The following TMEM132C variants were observed in gnomAD, a reference collection of about 807,000 sequenced individuals.
The protein encoded by TMEM132C is protein phosphatase 1, regulatory subunit 152.
Under a neutral mutation model 61.4 loss-of-function variants are expected in TMEM132C, and 29 were observed. That is an observed-to-expected ratio of 0.47 (90% CI 0.35 to 0.64). The LOEUF (loss-of-function observed/expected upper bound fraction) is 0.64. TMEM132C is among the 30% of genes least tolerant of loss of function. The pLI is 0.00. For synonymous variants in TMEM132C, 656 were observed against 633.1 expected (o/e 1.04, Z -0.54); for missense variants, 1,408 against 1,476.9 (o/e 0.95, Z 0.76).
intron 2 of TMEM132C, among the ~76,000 whole-genome samples, chr12:128,462,471 G>A (rs1870567925): frequency 6.6e-6 from 1 of 152,112 alleles, no homozygotes; most frequent in Non-Finnish European, 1.5e-5. Context: ...GGTTTCCCTT[G>A]CGTTCTTGTG....
chr12:128,321,484 G>C (rs998435496), intron 1 of TMEM132C, among the ~76,000 whole-genome samples: 2 of 152,184 alleles, frequency 1.3e-5, no homozygotes, highest in Non-Finnish European at 2.9e-5. Flanking sequence ...GAGATGGAGA[G>C]GGTGGTGGAG....
At chr12:128,396,540 C>T (rs1874965327) in intron 1 of TMEM132C, among the ~76,000 whole-genome samples, 1 of 152,152 alleles carries the variant, frequency 6.6e-6, no homozygotes, top group Non-Finnish European at 1.5e-5. Flanking sequence ...CCTGCACATT[C>T]TGCACATGTA....
At chr12:128,642,808 A>G (rs1954167643) in intron 4 of TMEM132C, among the ~76,000 whole-genome samples, 1 of 152,362 alleles carries the variant, frequency 6.6e-6, no homozygotes, top group Admixed American at 6.5e-5. Flanking sequence ...GAGGCACAGA[A>G]CGGTTAAGTA....
At chr12:128,616,401 A>G (rs924430811) in intron 4 of TMEM132C, 66 bp downstream of exon 4, 8 of 1,439,554 alleles carry the variant, frequency 5.6e-6, no homozygotes, top group Middle Eastern at 1.8e-4. Flanking sequence ...TGTCCTTCCT[A>G]TCTGTCATGG....
chr12:128,635,708 T>G (rs1012735405), intron 4 of TMEM132C, among the ~76,000 whole-genome samples: 1 of 152,168 alleles, frequency 6.6e-6, no homozygotes, highest in Non-Finnish European at 1.5e-5. Context: ...CAGCAGAACA[T>G]TGTAAGAGCC....
At position 128,693,969 on chromosome 12, in the gene TMEM132C, C is replaced by T. The variant is rs1005863002; in HGVS notation, c.1590C>T (p.Ile530=). Residue 530 remains isoleucine, a synonymous_variant, in exon 6 of 9, where the codon ATC becomes ATT. Coordinates refer to ENST00000435159, the MANE Select transcript of TMEM132C (RefSeq NM_001136103.3). ...GGGTGCCCCGGCTGCCCCTGCAGAT[C>T]GAGGTCTCTGACACGGAGCTCAGCC... ...TVWVPRLPLQ[I]EVSDTELSQI... is the part of the protein sequence containing the mutation. 3.2e-5 allele frequency: 49 copies of T among 1,551,634 alleles called. No individual in the cohort carries two copies. The highest frequency in any genetic ancestry group is 8.2e-5 in the African/African-American group (6 of 73,036).
chr12:128,323,403 G>A (rs1457851845), intron 1 of TMEM132C, among the ~76,000 whole-genome samples: 1 of 152,242 alleles, frequency 6.6e-6, no homozygotes, highest in African/African-American at 2.4e-5. Context: ...GACGAAGCAG[G>A]AATTTTAGCC....
At chr12:128,662,280 A>T (rs891711680) in intron 4 of TMEM132C, among the ~76,000 whole-genome samples, 1 of 152,188 alleles carries the variant, frequency 6.6e-6, no homozygotes. Context: ...ATTGCCTTAT[A>T]CGAGACACTT....
chr12:128,442,041 T>TA (rs1869814328), intron 2 of TMEM132C, among the ~76,000 whole-genome samples: 1 of 152,018 alleles, frequency 6.6e-6, no homozygotes, highest in African/African-American at 2.4e-5. Context: ...TAAACAATGA[T>TA]ACTATGCAGG....
rs76056961 is a variant in TMEM132C at position 128,325,322 on chromosome 12, A to G, written c.85+57835A>G. ...ACATTAGTGACTGTATCTAGTTAAA[A>G]AATTGGGCCATGACAGAAAGGTAAA... On this transcript the variant is annotated intron_variant, in intron 1 of 8. Coordinates refer to ENST00000435159, the MANE Select transcript of TMEM132C (RefSeq NM_001136103.3). Among the ~76,000 whole-genome samples the G allele has an allele frequency of 7.7e-3, 1,179 of 152,310 alleles. 23 individuals are homozygous for G. Among genetic ancestry groups the G allele is most frequent in the African/African-American group, 0.027 (1,117 of 41,572 alleles).
intron 2 of TMEM132C, among the ~76,000 whole-genome samples, chr12:128,539,107 G>C (rs139577164): frequency 6.6e-6 from 1 of 152,066 alleles, no homozygotes; most frequent in African/African-American, 2.4e-5. Flanking sequence ...TTCGTTTCCC[G>C]GGGAAGTCTT....
intron 1 of TMEM132C, among the ~76,000 whole-genome samples, chr12:128,412,855 T>A (rs1436017178): frequency 6.6e-6 from 1 of 152,220 alleles, no homozygotes; most frequent in Admixed American, 6.5e-5. Context: ...TAGCAGTATA[T>A]TTTTGAAAGC....
At chr12:128,349,363 G>A (rs1873268673) in intron 1 of TMEM132C, among the ~76,000 whole-genome samples, 1 of 152,204 alleles carries the variant, frequency 6.6e-6, no homozygotes, top group Admixed American at 6.5e-5. Context: ...GCAGGGCAGA[G>A]CTGCCTGCCA....
chr12:128,508,732 C>A (rs1333110737), intron 2 of TMEM132C, among the ~76,000 whole-genome samples: 1 of 152,220 alleles, frequency 6.6e-6, no homozygotes, highest in Non-Finnish European at 1.5e-5. Context: ...AGCTGCCCTT[C>A]ATTTTCCTGT....
chr12:128,616,314 G>T lies in TMEM132C; in HGVS notation c.1284G>T (p.Val428=). The change falls in exon 4 of 9, where the codon GTG becomes GTT. Residue 428 remains valine, a synonymous_variant. Transcript: ENST00000435159. Reference sequence around the variant, plus strand: ...TCTTTGTCAGCCAGAAGGACCTGGTGGGCATCGTTCCCTTGGCTATGGTGA... The same window carrying T: ...TCTTTGTCAGCCAGAAGGACCTGGTTGGCATCGTTCCCTTGGCTATGGTGA... ...SEIFVSQKDL[V]GIVPLAMDTE... 6.4e-7 allele frequency: 1 copy of T among 1,551,884 alleles called. No homozygotes were observed. The highest frequency in any genetic ancestry group is 1.2e-5 in the South Asian group (1 of 84,028).
intron 1 of TMEM132C, among the ~76,000 whole-genome samples, chr12:128,387,143 A>G (rs936781739): frequency 1.3e-5 from 2 of 150,184 alleles, no homozygotes; most frequent in African/African-American, 4.9e-5. Flanking sequence ...TCTGCCTCAA[A>G]AAAAAAAAAA....
At chr12:128,471,471 G>C (rs1186249829) in intron 2 of TMEM132C, among the ~76,000 whole-genome samples, 1 of 152,182 alleles carries the variant, frequency 6.6e-6, no homozygotes, top group Non-Finnish European at 1.5e-5. Flanking sequence ...ATGGAAGGAG[G>C]TTGTCAAGCT....
intron 1 of TMEM132C, among the ~76,000 whole-genome samples, chr12:128,279,755 C>T (rs1175879489): frequency 1.3e-5 from 2 of 152,238 alleles, no homozygotes; most frequent in Non-Finnish European, 2.9e-5. Context: ...TGTTGTTCTC[C>T]ATTCCTGCCC....
At chr12:128,392,210 A>T (rs1874791307) in intron 1 of TMEM132C, among the ~76,000 whole-genome samples, 1 of 151,824 alleles carries the variant, frequency 6.6e-6, no homozygotes, top group Admixed American at 6.6e-5. Context: ...TCCTGGGGGG[A>T]GGTGGGTTGT....
Sources: gnomAD v4.1 joint callset for allele counts (sites outside exome capture counted in the v4.1 genomes callset) on GRCh38, gnomAD v4.1.1 for gene constraint, MANE v1.5 for transcripts, NCBI Gene and HGNC (gene_info 2026-07-23, HGNC 2026-07-21) for gene names.